The following RHOU variants were observed in gnomAD, a reference collection of about 807,000 sequenced individuals.
RHOU encodes the protein ras homolog family member U, also known as rho-related GTP-binding protein RhoU.
A neutral mutation model predicts 12.6 loss-of-function variants in RHOU; 8 were observed. The ratio of observed to expected loss-of-function variants is 0.64; its 90% CI spans 0.37 to 1.15. The LOEUF (loss-of-function observed/expected upper bound fraction) is 1.15, where lower values mean the gene tolerates loss of function less well. Ranked by LOEUF, RHOU falls within the 50% of genes most tolerant of loss-of-function variation. The pLI is 0.01. For missense variants in RHOU, 258 were observed against 347.0 expected, an observed-to-expected ratio of 0.74 and a Z score of 2.04; for synonymous variants, 161 against 147.4, an observed-to-expected ratio of 1.09 and a Z score of -0.67.
chr1:228,721,747 GC>G, the RHOU span, among the ~76,000 whole-genome samples: 1 of 152,184 alleles, frequency 6.6e-6, no homozygotes, highest in Non-Finnish European at 1.5e-5. Context: ...TGCAACCTCC[GC>G]CACCCGGGTT....
the RHOU span, among the ~76,000 whole-genome samples, chr1:228,694,335 T>C: frequency 6.6e-6 from 1 of 152,212 alleles, no homozygotes; most frequent in Non-Finnish European, 1.5e-5. Flanking sequence ...CTTCAACTTT[T>C]ATTTTAATTC....
chr1:228,665,462 G>A, the RHOU span, among the ~76,000 whole-genome samples: 1 of 152,184 alleles, frequency 6.6e-6, no homozygotes, highest in African/African-American at 2.4e-5. Context: ...CACACATGTC[G>A]GGGATGGGTT....
the RHOU span, among the ~76,000 whole-genome samples, chr1:228,654,677 C>G: frequency 2.0e-5 from 3 of 152,174 alleles, no homozygotes; most frequent in Admixed American, 1.3e-4. Flanking sequence ...ATTGTAGCTA[C>G]TGTGGGTAAC....
the RHOU span, among the ~76,000 whole-genome samples, chr1:228,730,068 AT>A: frequency 7.9e-5 from 12 of 151,396 alleles, no homozygotes; most frequent in South Asian, 2.1e-4. Context: ...TTTCCTTGTC[AT>A]TTTTTTTTCC....
chr1:228,744,665 A>G lies in RHOU; in HGVS notation c.*925A>G, dbSNP rs1418596390. 1 of 152,242 alleles carries G rather than the reference A, an allele frequency of 6.6e-6. No homozygotes were observed. Among genetic ancestry groups the G allele is most frequent in the Non-Finnish European group, 1.5e-5 (1 of 68,042 alleles). The allele number at this position is 152,242 out of a possible 1,614,324, so 9.4% of individuals were successfully genotyped here. ...CGGCAGGGAGGTGAATACTCTTGAA[A>G]GGCCAACAGCAAGTGTTTGTGGGAC... On this transcript the variant is annotated 3_prime_UTR_variant, in exon 3 of 3. Transcript: ENST00000366691.
the RHOU span, among the ~76,000 whole-genome samples, chr1:228,647,077 G>C: frequency 3.9e-5 from 6 of 152,196 alleles, no homozygotes; most frequent in Admixed American, 1.3e-4. Flanking sequence ...GAGCCTTAGA[G>C]AGGAAGCACC....
At chr1:228,731,579 A>AAAG (rs1326604479), upstream of RHOU, among the ~76,000 whole-genome samples, 1 of 152,232 alleles carries the variant, frequency 6.6e-6, no homozygotes, top group Non-Finnish European at 1.5e-5. Context: ...TCATTAAGAA[A>AAAG]AAGAACACAA....
At chr1:228,715,532 T>C in the RHOU span, among the ~76,000 whole-genome samples, 1 of 152,326 alleles carries the variant, frequency 6.6e-6, no homozygotes, top group Admixed American at 6.5e-5. Context: ...TTATACTTTA[T>C]GGAACTTACT....
At chr1:228,696,570 A>G in the RHOU span, among the ~76,000 whole-genome samples, 1 of 151,752 alleles carries the variant, frequency 6.6e-6, no homozygotes, top group African/African-American at 2.4e-5. Context: ...TTTTTGAGAC[A>G]GAGTCTTGCT....
chr1:228,675,349 CCTT>C, the RHOU span, among the ~76,000 whole-genome samples: 5 of 151,970 alleles, frequency 3.3e-5, no homozygotes, highest in Admixed American at 2.0e-4. Context: ...ACTATCTCCT[CCTT>C]CTTCTACATT....
At chr1:228,663,304 A>G in the RHOU span, among the ~76,000 whole-genome samples, 2 of 152,210 alleles carry the variant, frequency 1.3e-5, no homozygotes, top group Non-Finnish European at 2.9e-5. Context: ...TGAGGCAACT[A>G]GCACACTACA....
chr1:228,671,482 C>T, the RHOU span, among the ~76,000 whole-genome samples: 1 of 151,516 alleles, frequency 6.6e-6, no homozygotes, highest in Non-Finnish European at 1.5e-5. Context: ...TTTGGGAGGC[C>T]GAGGCAAGTG....
At chr1:228,707,107 TATATATATATATATATATAC>T in the RHOU span, among the ~76,000 whole-genome samples, 121 of 88,318 alleles carry the variant, frequency 1.4e-3, 3 homozygotes, top group Non-Finnish European at 1.8e-3. Flanking sequence ...TATACATACA[TATATATATATATATATATAC>T]ATATATATAT....
upstream of RHOU, among the ~76,000 whole-genome samples, chr1:228,733,071 G>C (rs1662526605): frequency 6.6e-6 from 1 of 152,184 alleles, no homozygotes; most frequent in African/African-American, 2.4e-5. Context: ...AAGAACAATA[G>C]GAAGTTACTT....
the RHOU span, among the ~76,000 whole-genome samples, chr1:228,713,434 G>A: frequency 1.3e-5 from 2 of 152,124 alleles, no homozygotes; most frequent in African/African-American, 4.8e-5. Context: ...TTGCCATTCT[G>A]TAATTCTTTG....
the RHOU span, among the ~76,000 whole-genome samples, chr1:228,690,622 G>A: frequency 6.9e-6 from 1 of 144,866 alleles, no homozygotes; most frequent in Non-Finnish European, 1.5e-5. Flanking sequence ...AGGCCCGGCT[G>A]TTTGGTTTTT....
At chr1:228,704,911 C>A in the RHOU span, among the ~76,000 whole-genome samples, 6 of 152,274 alleles carry the variant, frequency 3.9e-5, no homozygotes, top group Non-Finnish European at 5.9e-5. Context: ...CGTGATTCTC[C>A]TGCCTCAGCC....
chr1:228,662,773 A>G, the RHOU span, among the ~76,000 whole-genome samples: 8 of 152,328 alleles, frequency 5.3e-5, no homozygotes, highest in Non-Finnish European at 8.8e-5. Context: ...TGGCACATGT[A>G]TACCTATATA....
the RHOU span, among the ~76,000 whole-genome samples, chr1:228,648,751 T>C: frequency 6.6e-6 from 1 of 152,220 alleles, no homozygotes; most frequent in East Asian, 1.9e-4. Flanking sequence ...AGAGTCACAT[T>C]ATAATCTATT....
Sources: allele counts gnomAD v4.1 joint callset (sites outside exome capture counted in the v4.1 genomes callset), GRCh38; gene constraint gnomAD v4.1.1; transcripts MANE v1.5; gene names NCBI Gene and HGNC (gene_info 2026-07-23, HGNC 2026-07-21).